CADPS2: variants seen among roughly 807,000 people sequenced by gnomAD.
CADPS2 encodes calcium-dependent secretion activator 2.
CADPS2 carries 93 observed loss-of-function variants against 172.5 expected under a neutral mutation model. The observed-to-expected ratio is 0.54, with a 90% CI of 0.46 to 0.64. CADPS2 has a LOEUF of 0.64. Ranked by LOEUF, CADPS2 falls within the 30% of genes least tolerant of loss-of-function variation. The pLI, the probability that CADPS2 is intolerant of heterozygous loss-of-function variation, is 0.00. For synonymous variants in CADPS2, 546 were observed against 555.2 expected (o/e 0.98, Z 0.23); for missense variants, 1,420 against 1,565.9 (o/e 0.91, Z 1.57).
chr7:122,671,561 G>A (rs956730706), intron 2 of CADPS2, among the ~76,000 whole-genome samples: 2 of 151,576 alleles, frequency 1.3e-5, no homozygotes, highest in Non-Finnish European at 2.9e-5. Context: ...TAAGACCATC[G>A]CTTAAAAAAA....
chr7:122,584,453 G>A (rs1370243791), intron 6 of CADPS2, among the ~76,000 whole-genome samples: 2 of 151,542 alleles, frequency 1.3e-5, no homozygotes, highest in Non-Finnish European at 3.0e-5. Context: ...CATTCTTAAT[G>A]TTTTCTTTTT....
chr7:122,748,030 C>T (rs2092791904), intron 1 of CADPS2, among the ~76,000 whole-genome samples: 1 of 152,110 alleles, frequency 6.6e-6, no homozygotes, highest in Admixed American at 6.6e-5. Context: ...TTCTTCAACG[C>T]AGATGCCAAC....
At chr7:122,709,422 G>A (rs904867106) in intron 2 of CADPS2, among the ~76,000 whole-genome samples, 1 of 152,008 alleles carries the variant, frequency 6.6e-6, no homozygotes, top group African/African-American at 2.4e-5. Flanking sequence ...TGCTGGAGAG[G>A]ATGTGGAGAA....
chr7:122,569,405 T>C (rs1207889575), intron 7 of CADPS2, among the ~76,000 whole-genome samples: 4 of 151,910 alleles, frequency 2.6e-5, no homozygotes, highest in Admixed American at 2.6e-4. Flanking sequence ...TGGAAGACCA[T>C]TCCATGCTCG....
At chr7:122,530,085 A>T (rs2061627695) in intron 8 of CADPS2, among the ~76,000 whole-genome samples, 1 of 152,146 alleles carries the variant, frequency 6.6e-6, no homozygotes, top group South Asian at 2.1e-4. Flanking sequence ...CTCATACTTA[A>T]TACAAAAATA....
chr7:122,763,234 T>G (rs1433897879), intron 1 of CADPS2, among the ~76,000 whole-genome samples: 1 of 152,106 alleles, frequency 6.6e-6, no homozygotes, highest in Non-Finnish European at 1.5e-5. Flanking sequence ...AATATTTGGA[T>G]GTGCATAATA....
At chr7:122,544,818 A>C (rs1030968730) in intron 8 of CADPS2, among the ~76,000 whole-genome samples, 5 of 152,166 alleles carry the variant, frequency 3.3e-5, no homozygotes, top group African/African-American at 1.2e-4. Flanking sequence ...CAAGGTATGA[A>C]TTTAGGAAGC....
At chr7:122,546,129 C>T (rs913689373) in intron 8 of CADPS2, among the ~76,000 whole-genome samples, 5 of 152,040 alleles carry the variant, frequency 3.3e-5, no homozygotes, top group Admixed American at 6.6e-5. Context: ...TTCATGTCAT[C>T]GACACTGGTA....
intron 2 of CADPS2, among the ~76,000 whole-genome samples, chr7:122,706,659 G>C (rs1277622688): frequency 6.8e-6 from 1 of 146,746 alleles, no homozygotes; most frequent in Non-Finnish European, 1.5e-5. Flanking sequence ...CTCTTAACAA[G>C]AGATAGGTAG....
intron 25 of CADPS2, among the ~76,000 whole-genome samples, chr7:122,370,910 T>C (rs1314964422): frequency 6.6e-6 from 1 of 152,192 alleles, no homozygotes; most frequent in Non-Finnish European, 1.5e-5. Flanking sequence ...AAAGTTTTTC[T>C]TGTGGGTCAA....
chr7:122,617,420 A>G (rs2075049240), intron 5 of CADPS2, among the ~76,000 whole-genome samples: 2 of 152,204 alleles, frequency 1.3e-5, no homozygotes, highest in Non-Finnish European at 2.9e-5. Flanking sequence ...AAGTGTTTCA[A>G]TTCCCAGCAA....
chr7:122,505,237 ATG>A lies in CADPS2; in HGVS notation c.1542+8010_1542+8011del, dbSNP rs554530757. 4.4e-3 allele frequency among the ~76,000 whole-genome samples: 669 copies of A among 152,344 alleles called. 6 individuals are homozygous for A. Among genetic ancestry groups the A allele is most frequent in the African/African-American group, 0.015 (637 of 41,582 alleles). ...CCTTATAAATTAGTTGTCAAAAGAC[ATG>A]TGAGGTGAAATGCTTACATTAATGT... is the stretch of plus-strand genomic sequence containing the variant. On this transcript the variant is annotated intron_variant, in intron 9 of 29. Transcript: ENST00000449022.
At chr7:122,880,556 AT>A (rs1428323377) in intron 1 of CADPS2, among the ~76,000 whole-genome samples, 1 of 152,080 alleles carries the variant, frequency 6.6e-6, no homozygotes, top group Non-Finnish European at 1.5e-5. Context: ...AAAATAAGCC[AT>A]TTTTCTATAT....
chr7:122,590,790 C>A (rs1031561584), intron 6 of CADPS2, among the ~76,000 whole-genome samples: 2 of 151,524 alleles, frequency 1.3e-5, no homozygotes, highest in Non-Finnish European at 2.9e-5. Flanking sequence ...TAATTCACTG[C>A]AATACAAAAT....
chr7:122,472,344 T>TAAAGGAAAGGAGGAAGA (rs1343916897), intron 13 of CADPS2, among the ~76,000 whole-genome samples: 1 of 151,782 alleles, frequency 6.6e-6, no homozygotes, highest in Non-Finnish European at 1.5e-5. Flanking sequence ...GAGAAGGCAA[T>TAAAGGAAAGGAGGAAGA]AAAGGAAAGG....
At chr7:122,449,004 T>C (rs774721318) in intron 15 of CADPS2, among the ~76,000 whole-genome samples, 9 of 152,308 alleles carry the variant, frequency 5.9e-5, no homozygotes, top group Non-Finnish European at 8.8e-5. Flanking sequence ...AGAATAGCAA[T>C]GTGAGAATCA....
At chr7:122,608,959 G>A (rs1280856590) in intron 6 of CADPS2, among the ~76,000 whole-genome samples, 1 of 152,022 alleles carries the variant, frequency 6.6e-6, no homozygotes, top group African/African-American at 2.4e-5. Context: ...AAGCTGAGGT[G>A]GGAGGATTGC....
At chr7:122,355,805 T>C (rs996211487) in intron 27 of CADPS2, among the ~76,000 whole-genome samples, 1 of 152,168 alleles carries the variant, frequency 6.6e-6, no homozygotes, top group African/African-American at 2.4e-5. Context: ...ATTTTATAGA[T>C]GACTAGACTG....
At chr7:122,415,601 C>CAA (rs549530021) in intron 18 of CADPS2, among the ~76,000 whole-genome samples, 101 of 64,946 alleles carry the variant, frequency 1.6e-3, no homozygotes, top group African/African-American at 3.4e-3. Context: ...AATACAGAAC[C>CAA]AAAAAAAAAA....
Sources: gnomAD v4.1 joint callset for allele counts (sites outside exome capture counted in the v4.1 genomes callset) on GRCh38, gnomAD v4.1.1 for gene constraint, MANE v1.5 for transcripts, NCBI Gene and HGNC (gene_info 2026-07-23, HGNC 2026-07-21) for gene names.